FHOD3: variants seen among roughly 807,000 people sequenced by gnomAD.
The protein encoded by FHOD3 is FH1/FH2 domain-containing protein 3.
A neutral mutation model predicts 173.0 loss-of-function variants in FHOD3; 90 were observed. That is an observed-to-expected ratio of 0.52 (90% CI 0.44 to 0.62). The LOEUF (loss-of-function observed/expected upper bound fraction) is 0.62. FHOD3 is among the 20% of genes least tolerant of loss of function. The pLI is 0.00. For missense variants in FHOD3, 1,945 were observed against 2,034.7 expected (o/e 0.96, Z 0.85); for synonymous variants, 828 against 823.0 (o/e 1.01, Z -0.10).
At chr18:36,573,989 T>C (rs2058554530) in intron 5 of FHOD3, among the ~76,000 whole-genome samples, 1 of 152,214 alleles carries the variant, frequency 6.6e-6, no homozygotes. Flanking sequence ...AAGTGGGCTC[T>C]GCTACTTAGG....
intron 6 of FHOD3, among the ~76,000 whole-genome samples, chr18:36,587,139 C>T (rs1243774263): frequency 7.2e-5 from 11 of 151,972 alleles, no homozygotes; most frequent in Admixed American, 7.2e-4. Flanking sequence ...ATAGTCATGT[C>T]TTTTCTGGAG....
chr18:36,574,387 A>T (rs1428962938), intron 5 of FHOD3, among the ~76,000 whole-genome samples: 1 of 152,130 alleles, frequency 6.6e-6, no homozygotes, highest in Non-Finnish European at 1.5e-5. Flanking sequence ...TGCTATTATA[A>T]ACAAGTTTGT....
chr18:36,554,153 C>T (rs1172544264), intron 5 of FHOD3, among the ~76,000 whole-genome samples: 7 of 152,180 alleles, frequency 4.6e-5, no homozygotes, highest in African/African-American at 1.2e-4. Flanking sequence ...ACCCAAAGGA[C>T]TATAAATCAT....
chr18:36,524,255 C>T (rs1378782289), intron 5 of FHOD3, among the ~76,000 whole-genome samples: 4 of 149,322 alleles, frequency 2.7e-5, no homozygotes, highest in African/African-American at 5.0e-5. Flanking sequence ...GCACTCTAGC[C>T]TGGGTGACAG....
chr18:36,488,052 C>T (rs1354648767), intron 3 of FHOD3, among the ~76,000 whole-genome samples: 1 of 152,180 alleles, frequency 6.6e-6, no homozygotes, highest in Non-Finnish European at 1.5e-5. Flanking sequence ...CCCATCAAAA[C>T]AGTTGTTTTA....
chr18:36,691,520 C>G (rs558574664), intron 16 of FHOD3, among the ~76,000 whole-genome samples: 1 of 152,320 alleles, frequency 6.6e-6, no homozygotes, highest in South Asian at 2.1e-4. Context: ...TTTCAAGGTT[C>G]TTGTTACTTC....
chr18:36,525,976 A>G (rs1485918717), intron 5 of FHOD3, among the ~76,000 whole-genome samples: 1 of 152,254 alleles, frequency 6.6e-6, no homozygotes, highest in African/African-American at 2.4e-5. Flanking sequence ...AGTTTTAGGA[A>G]AAGATGATCA....
At chr18:36,670,543 C>G in intron 14 of FHOD3, among the ~76,000 whole-genome samples, 1 of 152,032 alleles carries the variant, frequency 6.6e-6, no homozygotes. Flanking sequence ...TTTCTTAATA[C>G]CTTTCATATT....
chr18:36,559,213 T>C (rs2058002547), intron 5 of FHOD3, among the ~76,000 whole-genome samples: 1 of 152,172 alleles, frequency 6.6e-6, no homozygotes, highest in South Asian at 2.1e-4. Context: ...GCCCAAAAGA[T>C]TTCAAAACTG....
intron 14 of FHOD3, among the ~76,000 whole-genome samples, chr18:36,676,725 C>T (rs2149361676): frequency 6.6e-6 from 1 of 152,260 alleles, no homozygotes; most frequent in East Asian, 1.9e-4. Context: ...AGGTGTGAAA[C>T]AGTATATCAC....
At chr18:36,544,687 G>A (rs2057349221) in intron 5 of FHOD3, 1 of 152,426 alleles carries the variant, frequency 6.6e-6, no homozygotes, top group Non-Finnish European at 1.5e-5. Flanking sequence ...ATACAAACCA[G>A]GTGAGTGTGT....
chr18:36,460,158 G>T (rs1209243947), intron 3 of FHOD3, among the ~76,000 whole-genome samples: 2 of 152,082 alleles, frequency 1.3e-5, no homozygotes, highest in Non-Finnish European at 2.9e-5. Flanking sequence ...TTAACCTTAA[G>T]CACCTGGCTG....
intron 5 of FHOD3, among the ~76,000 whole-genome samples, chr18:36,575,108 T>G (rs2058600294): frequency 6.6e-6 from 1 of 152,026 alleles, no homozygotes; most frequent in Non-Finnish European, 1.5e-5. Context: ...GTATCTGGGA[T>G]TACAGGTGTG....
intron 1 of FHOD3, among the ~76,000 whole-genome samples, chr18:36,332,006 G>A (rs2045041532): frequency 6.6e-6 from 1 of 152,154 alleles, no homozygotes; most frequent in Non-Finnish European, 1.5e-5. Context: ...CACCTTCTGG[G>A]TGTAAGGCTG....
intron 5 of FHOD3, among the ~76,000 whole-genome samples, chr18:36,540,051 A>G (rs886455652): frequency 6.6e-6 from 1 of 152,154 alleles, no homozygotes; most frequent in South Asian, 2.1e-4. Context: ...CATATTTTCC[A>G]GAGATCAAAG....
intron 10 of FHOD3, among the ~76,000 whole-genome samples, chr18:36,647,354 G>A (rs1272813053): frequency 6.6e-6 from 1 of 152,162 alleles, no homozygotes; most frequent in African/African-American, 2.4e-5. Flanking sequence ...GTGTGACAGT[G>A]TGCCCAACTT....
At chr18:36,516,074 T>A (rs1022336420) in intron 5 of FHOD3, among the ~76,000 whole-genome samples, 1 of 152,248 alleles carries the variant, frequency 6.6e-6, no homozygotes, top group Non-Finnish European at 1.5e-5. Context: ...AGTTCATACA[T>A]GGAGTCACTC....
intron 2 of FHOD3, 85 bp downstream of exon 2, chr18:36,355,730 A>G: frequency 9.2e-7 from 1 of 1,087,534 alleles, no homozygotes; most frequent in Non-Finnish European, 1.4e-6. Context: ...TTTAGGAGGA[A>G]CTACCATGGC....
intron 18 of FHOD3, among the ~76,000 whole-genome samples, chr18:36,713,213 A>G (rs1224036322): frequency 6.6e-6 from 1 of 152,246 alleles, no homozygotes; most frequent in Non-Finnish European, 1.5e-5. Flanking sequence ...GGGTAAATAG[A>G]CTTTCTGCTT....
Sources: gnomAD v4.1 joint callset for allele counts (sites outside exome capture counted in the v4.1 genomes callset) on GRCh38, gnomAD v4.1.1 for gene constraint, MANE v1.5 for transcripts, NCBI Gene and HGNC (gene_info 2026-07-23, HGNC 2026-07-21) for gene names.